Variants in CARMIL1 observed in about 807,000 individuals in gnomAD.
CARMIL1 encodes the protein F-actin-uncapping protein LRRC16A.
In CARMIL1, 90 loss-of-function variants were observed where a neutral mutation model predicts 177.1. The observed-to-expected ratio is 0.51, with a 90% CI of 0.43 to 0.61. The LOEUF (loss-of-function observed/expected upper bound fraction) is 0.61, where lower values mean the gene tolerates loss of function less well. Among genes scored for constraint, CARMIL1 ranks in the 20% least tolerant of loss-of-function variants. The pLI is 0.00. For missense variants in CARMIL1, 1,380 were observed against 1,667.0 expected, an observed-to-expected ratio of 0.83 and a Z score of 3.00; for synonymous variants, 577 against 606.2, an observed-to-expected ratio of 0.95 and a Z score of 0.71.
intron 2 of CARMIL1, among the ~76,000 whole-genome samples, chr6:25,405,255 G>A (rs1175527791): frequency 1.3e-5 from 2 of 152,192 alleles, no homozygotes; most frequent in African/African-American, 4.8e-5. Flanking sequence ...TTGCTCCCTT[G>A]AGCATGCCCT....
rs200766510 is a variant in CARMIL1 at position 25,554,197 on chromosome 6, C to A, written c.2592+101C>A. 2.4e-6 allele frequency: 2 copies of A among 825,098 alleles called. No homozygotes were observed. Among genetic ancestry groups the A allele is most frequent in the Non-Finnish European group, 4.0e-6 (2 of 494,952 alleles). The allele number at this position is 825,098 out of a possible 1,614,324, so 51.1% of individuals were successfully genotyped here. On this transcript the variant is annotated intron_variant, in intron 28 of 36. Coordinates refer to ENST00000329474, the MANE Select transcript of CARMIL1 (RefSeq NM_017640.6). This position sits in a 1 kb window ranked among gnomAD's most constrained non-coding sequence, Gnocchi z 4.6. ...GATGTGATTTCTTTTCTGTATTTCACACTATTACAGCTTTATGGTTTGTGA... is the reference window on the plus strand; with the variant it reads ...GATGTGATTTCTTTTCTGTATTTCAAACTATTACAGCTTTATGGTTTGTGA...
chr6:25,475,178 G>T (rs1363127168), intron 11 of CARMIL1, among the ~76,000 whole-genome samples: 1 of 152,160 alleles, frequency 6.6e-6, no homozygotes, highest in Non-Finnish European at 1.5e-5. Context: ...GGCCGAGGTG[G>T]GTGGATCACG....
intron 31 of CARMIL1, among the ~76,000 whole-genome samples, chr6:25,592,386 A>G (rs1814408059): frequency 1.3e-5 from 2 of 152,218 alleles, no homozygotes; most frequent in Non-Finnish European, 2.9e-5. Flanking sequence ...ATAATATAAT[A>G]CAAGCAAGTT....
chr6:25,383,573 T>C (rs1227996671), intron 2 of CARMIL1: 1 of 152,216 alleles, frequency 6.6e-6, no homozygotes, highest in Non-Finnish European at 1.5e-5. Flanking sequence ...ACCTTGACAT[T>C]AATATCTTGA....
At chr6:25,288,692 A>G (rs1273161288) in intron 2 of CARMIL1, among the ~76,000 whole-genome samples, 1 of 152,174 alleles carries the variant, frequency 6.6e-6, no homozygotes, top group African/African-American at 2.4e-5. Context: ...TTCCTTCTGA[A>G]GCCCAAGTAT....
chr6:25,322,331 C>T (rs1019364394), intron 2 of CARMIL1, among the ~76,000 whole-genome samples: 3 of 151,956 alleles, frequency 2.0e-5, no homozygotes, highest in Non-Finnish European at 4.4e-5. Context: ...CCATGTTGGC[C>T]AGGCTAGTCT....
chr6:25,351,494 T>C (rs1788098503), intron 2 of CARMIL1, among the ~76,000 whole-genome samples: 1 of 152,238 alleles, frequency 6.6e-6, no homozygotes, highest in Admixed American at 6.5e-5. Context: ...AGAACAAATG[T>C]GGAGAGACTG....
chr6:25,404,006 G>A (rs2150592855), intron 2 of CARMIL1, among the ~76,000 whole-genome samples: 1 of 152,364 alleles, frequency 6.6e-6, no homozygotes, highest in African/African-American at 2.4e-5. Flanking sequence ...TAATGACAGT[G>A]TTTGTAAACA....
intron 22 of CARMIL1, among the ~76,000 whole-genome samples, chr6:25,517,670 A>G (rs1419162653): frequency 2.8e-4 from 42 of 152,168 alleles, no homozygotes; most frequent in Non-Finnish European, 2.9e-5. Flanking sequence ...GAATTAAATG[A>G]GATCGCGGGA....
At chr6:25,584,086 G>A (rs1377394093) in intron 31 of CARMIL1, among the ~76,000 whole-genome samples, 5 of 145,036 alleles carry the variant, frequency 3.4e-5, no homozygotes, top group South Asian at 2.2e-4. Flanking sequence ...GGAGTGCAGC[G>A]GCACAGTCAT....
intron 31 of CARMIL1, among the ~76,000 whole-genome samples, chr6:25,588,109 C>T (rs913736316): frequency 1.3e-5 from 2 of 152,270 alleles, no homozygotes; most frequent in South Asian, 4.1e-4. Context: ...TTATTTAAAG[C>T]ACACAGGAGG....
At chr6:25,525,617 A>G (rs1032895680) in intron 23 of CARMIL1, among the ~76,000 whole-genome samples, 4 of 152,274 alleles carry the variant, frequency 2.6e-5, no homozygotes, top group South Asian at 2.1e-4. Context: ...ATAGATGACT[A>G]TTTTTTCAGA....
intron 29 of CARMIL1, among the ~76,000 whole-genome samples, chr6:25,559,425 A>G (rs552893178): frequency 6.6e-6 from 1 of 152,288 alleles, no homozygotes; most frequent in Non-Finnish European, 1.5e-5. Flanking sequence ...CAGCATTTCT[A>G]TCTTAAGTGA....
Position 25,450,665 on chromosome 6 carries a change from G to C in CARMIL1, c.568G>C (p.Asp190His), listed in dbSNP as rs1202636541. The change falls in exon 8 of 37, where the codon GAC (aspartate) becomes CAC (histidine). Residue 190 changes from aspartate (D) to histidine (H), a missense_variant. Transcript: ENST00000329474. ...WDVDTIYLTQ[D>H]TRELNLQDFS... is the part of the protein sequence containing the mutation. ...TGTGGATACAATTTATCTTACCCAA[G>C]ACACCAGGGAATTGAATTTACAAGA... 1 of 1,605,300 alleles carries C rather than the reference G, an allele frequency of 6.2e-7. No homozygotes were observed. The highest frequency in any genetic ancestry group is 1.7e-5 in the Admixed American group (1 of 59,736).
At chr6:25,430,792 T>C (rs1305204322) in intron 4 of CARMIL1, among the ~76,000 whole-genome samples, 1 of 152,228 alleles carries the variant, frequency 6.6e-6, no homozygotes, top group Non-Finnish European at 1.5e-5. Context: ...CCATTTATAT[T>C]TCTTTTCTTG....
chr6:25,575,752 T>C (rs1812531858), intron 29 of CARMIL1, among the ~76,000 whole-genome samples: 1 of 152,150 alleles, frequency 6.6e-6, no homozygotes, highest in Admixed American at 6.5e-5. Flanking sequence ...GAATGAGAAA[T>C]TTTCAGGACT....
At chr6:25,574,013 A>G (rs1396467699) in intron 29 of CARMIL1, among the ~76,000 whole-genome samples, 2 of 151,928 alleles carry the variant, frequency 1.3e-5, no homozygotes, top group Non-Finnish European at 2.9e-5. Flanking sequence ...AAACAGAACA[A>G]CTCCGAGTTA....
chr6:25,587,416 G>T (rs1813866924), intron 31 of CARMIL1, among the ~76,000 whole-genome samples: 2 of 151,980 alleles, frequency 1.3e-5, no homozygotes, highest in South Asian at 4.2e-4. Flanking sequence ...AGGCTTGTGG[G>T]TTTTTTTTAA....
intron 11 of CARMIL1, among the ~76,000 whole-genome samples, chr6:25,473,658 C>T (rs536061493): frequency 1.3e-4 from 20 of 152,258 alleles, no homozygotes; most frequent in Admixed American, 2.0e-4. Flanking sequence ...AAAATCCACA[C>T]GGAAGTGGAC....
Sources: allele counts gnomAD v4.1 joint callset (sites outside exome capture counted in the v4.1 genomes callset), GRCh38; gene constraint gnomAD v4.1.1; non-coding constraint Gnocchi (gnomAD v3.1); transcripts MANE v1.5; gene names NCBI Gene and HGNC (gene_info 2026-07-23, HGNC 2026-07-21).